The following TMTC1 variants were observed in gnomAD, a reference collection of about 807,000 sequenced individuals.
TMTC1 encodes protein O-mannosyl-transferase TMTC1.
TMTC1 carries 73 observed loss-of-function variants against 104.8 expected under a neutral mutation model. That is an observed-to-expected ratio of 0.70 (90% CI 0.58 to 0.85). The LOEUF is 0.85. TMTC1 is among the 40% of genes least tolerant of loss of function. TMTC1 has a pLI of 0.00. For missense variants in TMTC1, 1,035 were observed against 1,096.1 expected (o/e 0.94, Z 0.79); for synonymous variants, 434 against 428.7 (o/e 1.01, Z -0.15).
rs12315532 is a variant in TMTC1 at position 29,768,042 on chromosome 12, G to C, written c.336C>G (p.Phe112Leu). Residue 112 changes from phenylalanine (F) to leucine (L), a missense_variant, in exon 2 of 18, where the codon TTC (phenylalanine) becomes TTG (leucine). By Grantham distance (22) the Phe-to-Leu change is conservative. Coordinates refer to ENST00000539277, the MANE Select transcript of TMTC1 (RefSeq NM_001193451.2). The stretch of plus-strand genomic sequence containing the variant: ...AAATTATATTTACTGCATGAAAGTA[G>C]AATGGGTTCATACCAGTCAAAAATA... ...LNIFLTGMNP[F>L]YFHAVNIILH... The C allele has an allele frequency of 6.2e-7, 1 of 1,613,260 alleles. No individual in the cohort carries two copies. Among genetic ancestry groups the C allele is most frequent in the South Asian group, 1.1e-5 (1 of 91,032 alleles).
chr12:29,757,052 A>AAGG (rs1943231804), intron 3 of TMTC1, among the ~76,000 whole-genome samples: 1 of 152,248 alleles, frequency 6.6e-6, no homozygotes, highest in African/African-American at 2.4e-5. Flanking sequence ...CAGAATGAAC[A>AAGG]AGAAACAATT....
At chr12:29,576,698 G>C (rs1945833440) in intron 8 of TMTC1, among the ~76,000 whole-genome samples, 2 of 152,124 alleles carry the variant, frequency 1.3e-5, no homozygotes, top group Non-Finnish European at 2.9e-5. Context: ...TAAGTCTAGA[G>C]ATCCCATCTA....
intron 10 of TMTC1, among the ~76,000 whole-genome samples, chr12:29,541,088 T>A (rs1944784757): frequency 6.6e-6 from 1 of 152,224 alleles, no homozygotes; most frequent in Non-Finnish European, 1.5e-5. Flanking sequence ...TTTCCAATAT[T>A]TGAATAAAAT....
At chr12:29,716,177 A>G (rs935149205) in intron 5 of TMTC1, among the ~76,000 whole-genome samples, 9 of 151,884 alleles carry the variant, frequency 5.9e-5, no homozygotes, top group African/African-American at 2.2e-4. Flanking sequence ...TACCACTACA[A>G]CTGGCTAATT....
chr12:29,662,387 C>G (rs1940070901), intron 5 of TMTC1, among the ~76,000 whole-genome samples: 1 of 152,176 alleles, frequency 6.6e-6, no homozygotes, highest in Non-Finnish European at 1.5e-5. Flanking sequence ...TGAGGTGGCT[C>G]ACGCCTGTAA....
At chr12:29,663,730 TG>T (rs1462979068) in intron 5 of TMTC1, among the ~76,000 whole-genome samples, 1 of 144,204 alleles carries the variant, frequency 6.9e-6, no homozygotes, top group African/African-American at 2.6e-5. Flanking sequence ...TTGGCCAGGC[TG>T]GTCTCAAACT....
chr12:29,556,839 G>C lies in TMTC1; in HGVS notation c.1676+18C>G, dbSNP rs1311413369. ...GGAATCGCAAGGCCACCTGATCGAT[G>C]GTAAACGTCCCACTTACTTGAGGAG... On this transcript the variant is annotated intron_variant, in intron 10 of 17. Transcript: ENST00000539277. The C allele has an allele frequency of 1.9e-6, 3 of 1,613,382 alleles. No individual in the cohort carries two copies. Among genetic ancestry groups the C allele is most frequent in the African/African-American group, 2.7e-5 (2 of 74,858 alleles).
chr12:29,506,889 A>G lies in TMTC1; in HGVS notation c.2606T>C (p.Leu869Pro), dbSNP rs1187550553. 6.2e-7 allele frequency: 1 copy of G among 1,614,136 alleles called. No individual in the cohort carries two copies. The highest frequency in any genetic ancestry group is 8.5e-7 in the Non-Finnish European group (1 of 1,180,004). The part of the protein sequence containing the change: ...LKENLAKLDR[L>P]EKRLQEVREK... ...TCGAACTTCTTGTAATCGTTTTTCT[A>G]GGCGATCCAATTTGGCAAGATTTTC... Residue 869 changes from leucine (L) to proline (P), a missense_variant, in exon 18 of 18, where the codon CTA becomes CCA. By Grantham distance (98) the Leu-to-Pro change is moderately conservative. Coordinates refer to ENST00000539277, the MANE Select transcript of TMTC1 (RefSeq NM_001193451.2).
chr12:29,620,267 C>T (rs377512291), intron 6 of TMTC1, among the ~76,000 whole-genome samples: 2 of 152,246 alleles, frequency 1.3e-5, no homozygotes, highest in East Asian at 3.9e-4. Context: ...GCCCACACAG[C>T]TATGCAGTGG....
chr12:29,748,666 A>G (rs1319455342), intron 5 of TMTC1, among the ~76,000 whole-genome samples: 1 of 152,216 alleles, frequency 6.6e-6, no homozygotes, highest in Non-Finnish European at 1.5e-5. Flanking sequence ...AACACATGGG[A>G]CATGCTAGCC....
Position 29,539,680 on chromosome 12 carries a change from G to A in TMTC1, c.1677-3363C>T, listed in dbSNP as rs574830962. On this transcript the variant is annotated intron_variant, in intron 10 of 17. Transcript: ENST00000539277. ...TTCACTGTACCTTACAAATCACTGC[G>A]TGTGCTTTAAAAAAGACTTTAGTGC... Among the ~76,000 whole-genome samples, 4 of 152,286 alleles carry A rather than the reference G, an allele frequency of 2.6e-5. No individual in the cohort carries two copies. The East Asian group carries it at 7.7e-4, about 29-fold the overall frequency.
intron 6 of TMTC1, among the ~76,000 whole-genome samples, chr12:29,630,397 C>T (rs952167983): frequency 1.3e-5 from 2 of 152,120 alleles, no homozygotes; most frequent in Non-Finnish European, 2.9e-5. Context: ...CTCGTGAGAA[C>T]TCTCTCACTA....
intron 8 of TMTC1, among the ~76,000 whole-genome samples, chr12:29,578,271 T>G (rs576740989): frequency 1.3e-5 from 2 of 152,106 alleles, no homozygotes; most frequent in Non-Finnish European, 2.9e-5. Context: ...GACCTTTATG[T>G]TCTCTCTGTG....
intron 5 of TMTC1, among the ~76,000 whole-genome samples, chr12:29,644,831 C>G (rs561115249): frequency 6.6e-6 from 1 of 152,184 alleles, no homozygotes; most frequent in Non-Finnish European, 1.5e-5. Context: ...CAGCACCTGA[C>G]TAGCTCACCT....
chr12:29,551,376 TC>T (rs1363288983), intron 10 of TMTC1, among the ~76,000 whole-genome samples: 2 of 152,218 alleles, frequency 1.3e-5, no homozygotes, highest in Non-Finnish European at 1.5e-5. Flanking sequence ...TATTTCTGCC[TC>T]CTAATATTTT....
intron 9 of TMTC1, among the ~76,000 whole-genome samples, chr12:29,565,801 C>T (rs561351943): frequency 2.4e-3 from 361 of 152,248 alleles, no homozygotes; most frequent in Non-Finnish European, 4.3e-3. Context: ...GAGTGGAGAT[C>T]GCACCACCGC....
chr12:29,637,550 G>A (rs1938619857), intron 5 of TMTC1, among the ~76,000 whole-genome samples: 2 of 152,142 alleles, frequency 1.3e-5, no homozygotes, highest in African/African-American at 2.4e-5. Context: ...GAGGTTTCAT[G>A]GCCGAAAAAC....
chr12:29,550,224 C>A (rs908064711), intron 10 of TMTC1, among the ~76,000 whole-genome samples: 2 of 152,026 alleles, frequency 1.3e-5, no homozygotes, highest in Admixed American at 6.6e-5. Flanking sequence ...CTTGGGTTGG[C>A]CTTGTCAGGC....
intron 5 of TMTC1, among the ~76,000 whole-genome samples, chr12:29,645,656 T>C (rs569307585): frequency 3.9e-5 from 6 of 152,314 alleles, no homozygotes; most frequent in African/African-American, 1.4e-4. Context: ...CTAAGGTATC[T>C]TTCTCGCTAT....
Sources: gnomAD v4.1 joint callset for allele counts (sites outside exome capture counted in the v4.1 genomes callset) on GRCh38, gnomAD v4.1.1 for gene constraint, MANE v1.5 for transcripts, NCBI Gene and HGNC (gene_info 2026-07-23, HGNC 2026-07-21) for gene names.